GPC5: variants seen among roughly 807,000 people sequenced by gnomAD.
GPC5 encodes glypican-5.
In GPC5, 47 loss-of-function variants were observed where a neutral mutation model predicts 53.9. The observed-to-expected ratio is 0.87, with a 90% CI of 0.69 to 1.11. The LOEUF (loss-of-function observed/expected upper bound fraction) is 1.11, where lower values mean the gene tolerates loss of function less well. Ranked by LOEUF, GPC5 falls within the 50% of genes most tolerant of loss-of-function variation. The pLI is 0.00. For synonymous variants in GPC5, 286 were observed against 263.3 expected, an observed-to-expected ratio of 1.09 and a Z score of -0.84; for missense variants, 748 against 713.1, an observed-to-expected ratio of 1.05 and a Z score of -0.56.
intron 6 of GPC5, among the ~76,000 whole-genome samples, chr13:92,076,363 G>A (rs1487049002): frequency 2.0e-5 from 3 of 152,024 alleles, no homozygotes; most frequent in African/African-American, 7.2e-5. Context: ...GAGCCACCGC[G>A]CCTGGCGAAA....
At chr13:92,352,847 A>G (rs1166388682) in intron 7 of GPC5, among the ~76,000 whole-genome samples, 1 of 152,238 alleles carries the variant, frequency 6.6e-6, no homozygotes, top group Non-Finnish European at 1.5e-5. Flanking sequence ...CATATTTGGT[A>G]TATATCCAAG....
chr13:91,763,567 A>G (rs1230569957), intron 5 of GPC5, among the ~76,000 whole-genome samples: 1 of 152,212 alleles, frequency 6.6e-6, no homozygotes, highest in East Asian at 1.9e-4. Flanking sequence ...ATAAGGGACT[A>G]CAGAATTCAT....
intron 1 of GPC5, among the ~76,000 whole-genome samples, chr13:91,412,050 A>T (rs912391928): frequency 2.6e-5 from 4 of 152,242 alleles, no homozygotes; most frequent in Middle Eastern, 3.4e-3. Context: ...TGTGAAGAGC[A>T]TTGGCAACAG....
At chr13:92,621,360 G>A (rs1884861890) in intron 7 of GPC5, among the ~76,000 whole-genome samples, 1 of 152,110 alleles carries the variant, frequency 6.6e-6, no homozygotes, top group African/African-American at 2.4e-5. Context: ...GCTGCCAGAG[G>A]TCGTGCCTCT....
At chr13:91,608,745 A>G (rs1161729582) in intron 2 of GPC5, among the ~76,000 whole-genome samples, 1 of 151,988 alleles carries the variant, frequency 6.6e-6, no homozygotes, top group Non-Finnish European at 1.5e-5. Flanking sequence ...GGTAAAAGAG[A>G]ACCAATATTT....
intron 7 of GPC5, among the ~76,000 whole-genome samples, chr13:92,732,994 T>A (rs1284237414): frequency 6.6e-6 from 1 of 151,620 alleles, no homozygotes; most frequent in African/African-American, 2.4e-5. Context: ...CTTCCTGTGG[T>A]TCTCTGGCAT....
chr13:91,743,466 T>C (rs1351989296), intron 4 of GPC5, among the ~76,000 whole-genome samples: 1 of 152,198 alleles, frequency 6.6e-6, no homozygotes, highest in East Asian at 1.9e-4. Flanking sequence ...TCAAGCATTA[T>C]CTTCTACTTT....
chr13:91,898,078 A>G (rs1476294955), intron 5 of GPC5, among the ~76,000 whole-genome samples: 2 of 152,200 alleles, frequency 1.3e-5, no homozygotes, highest in Non-Finnish European at 2.9e-5. Context: ...AAGTCATATA[A>G]CCAGGTCCCA....
intron 6 of GPC5, among the ~76,000 whole-genome samples, chr13:92,098,334 A>G (rs1364563880): frequency 6.6e-6 from 1 of 152,104 alleles, no homozygotes. Flanking sequence ...TGCAAAATGC[A>G]CGATCTTGTT....
intron 2 of GPC5, among the ~76,000 whole-genome samples, chr13:91,551,610 G>A (rs371120036): frequency 6.6e-6 from 1 of 152,118 alleles, no homozygotes; most frequent in Non-Finnish European, 1.5e-5. Context: ...TATTAAAAAT[G>A]TATTGTACAA....
At chr13:91,824,754 G>A (rs887855693) in intron 5 of GPC5, among the ~76,000 whole-genome samples, 1 of 151,910 alleles carries the variant, frequency 6.6e-6, no homozygotes, top group African/African-American at 2.4e-5. Flanking sequence ...ATCACATCTG[G>A]CATAAGTATA....
intron 6 of GPC5, among the ~76,000 whole-genome samples, chr13:91,964,555 C>G (rs1257381013): frequency 6.6e-6 from 1 of 152,112 alleles, no homozygotes; most frequent in Non-Finnish European, 1.5e-5. Flanking sequence ...AGTCCCCTAC[C>G]CGATTAGCTA....
intron 7 of GPC5, among the ~76,000 whole-genome samples, chr13:92,289,220 G>A (rs34187864): frequency 0.2 from 30,044 of 151,938 alleles, 3,095 homozygotes; most frequent in South Asian, 0.37. Flanking sequence ...CTTGGTAGGT[G>A]TAAAATTTAA....
intron 2 of GPC5, among the ~76,000 whole-genome samples, chr13:91,511,724 T>C (rs1451594147): frequency 6.6e-6 from 1 of 152,080 alleles, no homozygotes; most frequent in Non-Finnish European, 1.5e-5. Context: ...TTTTTTCAAC[T>C]CTTATAAAAT....
At chr13:92,147,904 C>T (rs2041880173) in intron 7 of GPC5, among the ~76,000 whole-genome samples, 1 of 151,982 alleles carries the variant, frequency 6.6e-6, no homozygotes, top group African/African-American at 2.4e-5. Context: ...TAGTATTTTG[C>T]CCGTTTTGGC....
At chr13:92,248,747 A>G (rs1381706039) in intron 7 of GPC5, among the ~76,000 whole-genome samples, 2 of 152,148 alleles carry the variant, frequency 1.3e-5, no homozygotes, top group African/African-American at 4.8e-5. Context: ...GTTGCTGAGT[A>G]CAGGGTGAGG....
chr13:91,545,474 T>C (rs2030228271), intron 2 of GPC5, among the ~76,000 whole-genome samples: 1 of 152,190 alleles, frequency 6.6e-6, no homozygotes, highest in Non-Finnish European at 1.5e-5. Context: ...CAAGTTTTTG[T>C]AGGAGGAATT....
intron 5 of GPC5, among the ~76,000 whole-genome samples, chr13:91,905,457 A>T (rs528170908): frequency 6.6e-6 from 1 of 152,206 alleles, no homozygotes; most frequent in African/African-American, 2.4e-5. Context: ...TGCCTACAAA[A>T]AGAAGTGGGT....
chr13:92,448,605 A>G (rs1336720243), intron 7 of GPC5: 2 of 152,078 alleles, frequency 1.3e-5, no homozygotes, highest in African/African-American at 2.4e-5. Context: ...AACTTATTAG[A>G]TGCTTTTTCA....
Sources: allele counts gnomAD v4.1 joint callset (sites outside exome capture counted in the v4.1 genomes callset), GRCh38; gene constraint gnomAD v4.1.1; transcripts MANE v1.5; gene names NCBI Gene and HGNC (gene_info 2026-07-23, HGNC 2026-07-21).